The following PCDHGB6 variants were observed in gnomAD, a reference collection of about 807,000 sequenced individuals.
PCDHGB6 encodes protocadherin gamma-B6.
In PCDHGB6, 51 loss-of-function variants were observed where a neutral mutation model predicts 59.1. The ratio of observed to expected loss-of-function variants is 0.86; its 90% CI spans 0.69 to 1.09. The LOEUF (loss-of-function observed/expected upper bound fraction) is 1.09. Ranked by LOEUF, PCDHGB6 falls within the 50% of genes least tolerant of loss-of-function variation. The pLI, the probability that PCDHGB6 is intolerant of heterozygous loss-of-function variation, is 0.00. For synonymous variants in PCDHGB6, 466 were observed against 495.1 expected (o/e 0.94, Z 0.78); for missense variants, 1,148 against 1,205.1 (o/e 0.95, Z 0.70).
chr5:141,418,236 T>C, intron 1 of PCDHGB6: 8 of 1,614,030 alleles, frequency 5.0e-6, no homozygotes, highest in Non-Finnish European at 6.8e-6. Flanking sequence ...ATTGAGGATG[T>C]TAATGACCAC....
chr5:141,421,905 A>C, intron 1 of PCDHGB6: 1 of 1,613,752 alleles, frequency 6.2e-7, no homozygotes, highest in Non-Finnish European at 8.5e-7. Context: ...GAAAGGGCGC[A>C]GTTCCCATTC....
chr5:141,510,280 A>G (rs1218058358), intron 3 of PCDHGB6, among the ~76,000 whole-genome samples: 1 of 151,892 alleles, frequency 6.6e-6, no homozygotes, highest in Non-Finnish European at 1.5e-5. Context: ...CTTAAAAAAA[A>G]AAAAAAAAAA....
intron 1 of PCDHGB6, among the ~76,000 whole-genome samples, chr5:141,465,505 G>A (rs905617997): frequency 6.6e-6 from 1 of 152,190 alleles, no homozygotes; most frequent in Non-Finnish European, 1.5e-5. Flanking sequence ...CATTGTCGTG[G>A]TCAGGAAGGA....
chr5:141,437,385 C>T (rs543945898), intron 1 of PCDHGB6, among the ~76,000 whole-genome samples: 12 of 152,202 alleles, frequency 7.9e-5, no homozygotes, highest in Non-Finnish European at 1.6e-4. Flanking sequence ...AGAAGACATT[C>T]ATCCACTGCT....
intron 1 of PCDHGB6, among the ~76,000 whole-genome samples, chr5:141,438,002 A>G (rs200179547): frequency 1.3e-5 from 2 of 152,072 alleles, no homozygotes; most frequent in East Asian, 1.9e-4. Flanking sequence ...CAGCCTCCCA[A>G]ATAGCTGAGA....
At chr5:141,507,797 C>T (rs933921827) in intron 3 of PCDHGB6, among the ~76,000 whole-genome samples, 3 of 152,240 alleles carry the variant, frequency 2.0e-5, no homozygotes, top group Non-Finnish European at 2.9e-5. Flanking sequence ...TCTAAGCCTG[C>T]GCCCTGGGGA....
At chr5:141,426,521 C>T (rs184198267) in intron 1 of PCDHGB6, 14 of 341,908 alleles carry the variant, frequency 4.1e-5, no homozygotes, top group Admixed American at 7.6e-5. Flanking sequence ...ACCGTGAACA[C>T]GGAGAATGGG....
At chr5:141,488,213 C>T (rs1261280988) in intron 1 of PCDHGB6, among the ~76,000 whole-genome samples, 1 of 152,118 alleles carries the variant, frequency 6.6e-6, no homozygotes, top group Non-Finnish European at 1.5e-5. Context: ...CATATCAAGT[C>T]CCTACTGGGG....
intron 1 of PCDHGB6, among the ~76,000 whole-genome samples, chr5:141,492,336 A>G (rs1353947767): frequency 1.3e-5 from 2 of 152,072 alleles, no homozygotes; most frequent in East Asian, 3.9e-4. Context: ...TTACGCGAAT[A>G]CCAGCTTTCA....
chr5:141,457,301 CCAAA>C (rs1163780799), intron 1 of PCDHGB6, among the ~76,000 whole-genome samples: 1 of 152,090 alleles, frequency 6.6e-6, no homozygotes, highest in Non-Finnish European at 1.5e-5. Context: ...TTTTATTTTC[CCAAA>C]CAAAGAAACC....
intron 1 of PCDHGB6, among the ~76,000 whole-genome samples, chr5:141,454,626 G>A (rs1206050863): frequency 6.6e-6 from 1 of 151,304 alleles, no homozygotes; most frequent in African/African-American, 2.4e-5. Flanking sequence ...GGCTGGTCTC[G>A]AACCCCCAAC....
At chr5:141,446,822 A>G (rs976227044) in intron 1 of PCDHGB6, among the ~76,000 whole-genome samples, 1 of 152,206 alleles carries the variant, frequency 6.6e-6, no homozygotes, top group African/African-American at 2.4e-5. Flanking sequence ...TCAGATGGGT[A>G]GATCCTTATA....
At position 141,490,852 on chromosome 5, in the gene PCDHGB6, G is replaced by A. The variant is rs759198428; in HGVS notation, c.2419-3955G>A. 2 of 1,613,896 alleles carry A rather than the reference G, an allele frequency of 1.2e-6. No individual in the cohort carries two copies. Among genetic ancestry groups the A allele is most frequent in the Non-Finnish European group, 1.7e-6 (2 of 1,179,928 alleles). ...GCTGCAGATTGTGGTGGGGGTTCGA[G>A]ACTCCGGCTCTCCCCCATTGCATGC... On this transcript the variant is annotated intron_variant, in intron 1 of 3. Transcript: ENST00000520790. The surrounding 1 kb of genome is among the most constrained non-coding windows in gnomAD (Gnocchi z 5.4).
At chr5:141,415,686 G>A in intron 1 of PCDHGB6, 2 of 1,535,424 alleles carry the variant, frequency 1.3e-6, no homozygotes, top group Non-Finnish European at 1.8e-6. Context: ...GCGGCATGAT[G>A]GTGGAAAGTG....
chr5:141,414,124 G>C, intron 1 of PCDHGB6: 1 of 1,592,872 alleles, frequency 6.3e-7, no homozygotes, highest in Non-Finnish European at 8.6e-7. Context: ...TGAAGAAACC[G>C]GTTTCTATGA....
In PCDHGB6 at chr5:141,409,640, G is replaced by A. The variant is rs1045286800; in HGVS notation, c.1438G>A (p.Asp480Asn). 1.2e-6 allele frequency: 2 copies of A among 1,613,780 alleles called. No individual in the cohort carries two copies. Among genetic ancestry groups the A allele is most frequent in the African/African-American group, 1.3e-5 (1 of 75,064 alleles). ...SIAQVSASDP[D>N]LGLNGHISYS... The stretch of plus-strand genomic sequence containing the variant: ...TGCGCAAGTGAGCGCCTCTGACCCG[G>A]ATTTGGGGCTCAATGGCCACATCTC... Residue 480 changes from aspartate (D) to asparagine (N), a missense_variant, in exon 1 of 4, where the codon GAT becomes AAT. Around this residue, in one of 5 missense-constraint regions of PCDHGB6, gnomAD observed 549 missense variants for 527.5 expected, o/e 1.04. Transcript: ENST00000520790.
chr5:141,485,549 G>T lies in PCDHGB6; in HGVS notation c.2419-9258G>T. 1 of 1,614,030 alleles carries T rather than the reference G, an allele frequency of 6.2e-7. No homozygotes were observed. Among genetic ancestry groups the T allele is most frequent in the Non-Finnish European group, 8.5e-7 (1 of 1,179,922 alleles). On this transcript the variant is annotated intron_variant, in intron 1 of 3. Coordinates refer to ENST00000520790, the MANE Select transcript of PCDHGB6 (RefSeq NM_018926.3). The surrounding 1 kb of genome is among the most constrained non-coding windows in gnomAD (Gnocchi z 5.7). Reference sequence around the variant, plus strand: ...CCGAGCAGAGGTAGAGATCGTAGATGTGAATGATCACGCCCCCCGTTTTCC... The same window carrying T: ...CCGAGCAGAGGTAGAGATCGTAGATTTGAATGATCACGCCCCCCGTTTTCC...
intron 1 of PCDHGB6, among the ~76,000 whole-genome samples, chr5:141,483,778 G>T (rs1012545478): frequency 1.6e-4 from 24 of 152,222 alleles, no homozygotes; most frequent in African/African-American, 5.8e-4. Context: ...ATTGGGGAAG[G>T]ATAAGAACTC....
intron 1 of PCDHGB6, among the ~76,000 whole-genome samples, chr5:141,472,402 G>T (rs569497172): frequency 6.6e-6 from 1 of 152,042 alleles, no homozygotes; most frequent in Non-Finnish European, 1.5e-5. Context: ...TTAGCCAGGC[G>T]TGGTGGCACG....
Sources: gnomAD v4.1 joint callset for allele counts (sites outside exome capture counted in the v4.1 genomes callset) on GRCh38, gnomAD v4.1.1 for gene constraint, gnomAD v4.1.1 regional missense constraint, Gnocchi (gnomAD v3.1) non-coding constraint, MANE v1.5 for transcripts, NCBI Gene and HGNC (gene_info 2026-07-23, HGNC 2026-07-21) for gene names.